The following KCNH1 variants were observed in gnomAD, a reference collection of about 807,000 sequenced individuals.
KCNH1 encodes the protein potassium voltage-gated channel subfamily H member 1.
In KCNH1, 27 loss-of-function variants were observed where a neutral mutation model predicts 69.2. The observed-to-expected ratio is 0.39, with a 90% confidence interval of 0.29 to 0.54. KCNH1 has a LOEUF of 0.54. Among genes scored for constraint, KCNH1 ranks in the 20% least tolerant of loss-of-function variants. The probability of loss-of-function intolerance (pLI) is 0.68; values close to 1 mark genes in which losing one functional copy is unlikely to be tolerated. For synonymous variants in KCNH1, 456 were observed against 487.7 expected, an observed-to-expected ratio of 0.93 and a Z score of 0.86; for missense variants, 798 against 1,261.6, an observed-to-expected ratio of 0.63 and a Z score of 5.57.
At chr1:210,853,423 C>CAG (rs1170718235) in intron 7 of KCNH1, among the ~76,000 whole-genome samples, 1 of 152,206 alleles carries the variant, frequency 6.6e-6, no homozygotes, top group Admixed American at 6.5e-5. Context: ...AGATGATAAA[C>CAG]AGAGAGAGCT....
chr1:210,952,059 C>T lies in KCNH1; in HGVS notation c.1033-31990G>A, dbSNP rs888469770. ...GCCCACATCTTCCTGTGTGACATTT[C>T]TTCAGTCACCCAGACAAGCTGCCTA... On this transcript the variant is annotated intron_variant, in intron 6 of 10. Coordinates refer to ENST00000271751, the MANE Select transcript of KCNH1 (RefSeq NM_172362.3). Among the ~76,000 whole-genome samples the T allele has an allele frequency of 5.3e-5, 8 of 152,172 alleles. No individual in the cohort carries two copies. The East Asian group carries it at 1.5e-3, about 29-fold the overall frequency.
chr1:210,946,576 A>G lies in KCNH1; in HGVS notation c.1033-26507T>C, dbSNP rs565464075. On this transcript the variant is annotated intron_variant, in intron 6 of 10. Transcript: ENST00000271751. ...AGGCATCAACAACAGCCCTAGAGAC[A>G]CATCTCACAATAAACAAGGGAAAAA... Among the ~76,000 whole-genome samples, 8 of 152,270 alleles carry G rather than the reference A, an allele frequency of 5.3e-5. No individual in the cohort carries two copies. In the East Asian group the frequency reaches 1.5e-3, roughly 29 times the overall value.
chr1:210,716,771 G>C lies in KCNH1; in HGVS notation c.2113-32633C>G, dbSNP rs73067463. On this transcript the variant is annotated intron_variant, in intron 10 of 10. Transcript: ENST00000271751. ...CTTCTCGAGGAGGCTTGCTCTCTCT[G>C]TTCCAACTATGCAGATCACTAGGGC... 8.1e-3 allele frequency among the ~76,000 whole-genome samples: 1,228 copies of C among 152,280 alleles called. 15 individuals carry two copies. The highest frequency in any genetic ancestry group is 0.028 in the African/African-American group (1,165 of 41,546).
chr1:210,889,003 G>C (rs1347763738), intron 7 of KCNH1, among the ~76,000 whole-genome samples: 1 of 152,138 alleles, frequency 6.6e-6, no homozygotes, highest in Non-Finnish European at 1.5e-5. Flanking sequence ...CATTCCTTCT[G>C]ATACTATTCC....
At chr1:210,950,885 C>T (rs539663791) in intron 6 of KCNH1, among the ~76,000 whole-genome samples, 1 of 152,260 alleles carries the variant, frequency 6.6e-6, no homozygotes, top group East Asian at 1.9e-4. Flanking sequence ...CAGGCCCAGC[C>T]CTGGAGATTC....
chr1:210,779,726 G>A (rs1683937600), intron 9 of KCNH1, among the ~76,000 whole-genome samples: 1 of 151,324 alleles, frequency 6.6e-6, no homozygotes, highest in Non-Finnish European at 1.5e-5. Flanking sequence ...ATTCTGAGCT[G>A]GGAAAAAAAA....
At chr1:211,025,939 T>C (rs1055772111) in intron 5 of KCNH1, among the ~76,000 whole-genome samples, 2 of 152,204 alleles carry the variant, frequency 1.3e-5, no homozygotes, top group African/African-American at 4.8e-5. Flanking sequence ...TATCTTTGTT[T>C]GATCACCAAT....
At chr1:211,109,976 A>C (rs777996665) in intron 1 of KCNH1, among the ~76,000 whole-genome samples, 2 of 151,984 alleles carry the variant, frequency 1.3e-5, no homozygotes, top group African/African-American at 4.8e-5. Context: ...TTTAGAAGAT[A>C]AAGTCTTACA....
chr1:210,805,551 T>C (rs1684533397), intron 7 of KCNH1, among the ~76,000 whole-genome samples: 1 of 152,172 alleles, frequency 6.6e-6, no homozygotes, highest in Non-Finnish European at 1.5e-5. Context: ...GAATTTTATA[T>C]ACATGGAATC....
At chr1:210,917,345 G>A (rs1009094206) in intron 7 of KCNH1, among the ~76,000 whole-genome samples, 1 of 152,092 alleles carries the variant, frequency 6.6e-6, no homozygotes, top group Non-Finnish European at 1.5e-5. Flanking sequence ...CACAGAGAGA[G>A]AGAAAGAGAG....
At chr1:210,695,017 A>G (rs1374494978) in intron 10 of KCNH1, among the ~76,000 whole-genome samples, 1 of 152,234 alleles carries the variant, frequency 6.6e-6, no homozygotes, top group Non-Finnish European at 1.5e-5. Flanking sequence ...GGCAGCGCCC[A>G]TATAGTGTTT....
chr1:210,939,236 TG>T (rs1687836363), intron 6 of KCNH1, among the ~76,000 whole-genome samples: 2 of 152,208 alleles, frequency 1.3e-5, no homozygotes, highest in Non-Finnish European at 2.9e-5. Context: ...AACTTTCATT[TG>T]ACTGCGGGGG....
chr1:210,888,832 AC>A (rs1192776778), intron 7 of KCNH1, among the ~76,000 whole-genome samples: 2 of 152,074 alleles, frequency 1.3e-5, no homozygotes, highest in African/African-American at 2.4e-5. Context: ...GGACACATAT[AC>A]CCCCCCAAGA....
At chr1:210,950,795 T>C (rs1357171534) in intron 6 of KCNH1, among the ~76,000 whole-genome samples, 1 of 152,200 alleles carries the variant, frequency 6.6e-6, no homozygotes, top group Non-Finnish European at 1.5e-5. Flanking sequence ...ATGAAGTATG[T>C]ACTTTAATCT....
chr1:210,683,745 T>G lies in KCNH1; in HGVS notation c.2506A>C (p.Ser836Arg). The change falls in exon 11 of 11, where the codon AGC becomes CGC. Residue 836 changes from serine (S) to arginine (R), a missense_variant. By Grantham distance (110) the Ser-to-Arg change is moderately radical (BLOSUM62 -1). Transcript: ENST00000271751. This position sits in a 1 kb window ranked among gnomAD's most constrained non-coding sequence, Gnocchi z 5.7. Reference sequence around the variant, plus strand: ...CAAGCATCTTTGAAGCGGGCCCAGCTTTTGCGCTTGGCACAATCGCCCCCG... The same window carrying G: ...CAAGCATCTTTGAAGCGGGCCCAGCGTTTGCGCTTGGCACAATCGCCCCCG... ...GGGGDCAKRK[S>R]WARFKDACGK... The G allele has an allele frequency of 6.2e-7, 1 of 1,614,132 alleles. No individual in the cohort carries two copies. The highest frequency in any genetic ancestry group is 8.5e-7 in the Non-Finnish European group (1 of 1,180,038).
chr1:211,062,561 C>T (rs1219896532), intron 5 of KCNH1, among the ~76,000 whole-genome samples: 1 of 152,136 alleles, frequency 6.6e-6, no homozygotes, highest in African/African-American at 2.4e-5. Flanking sequence ...AACTATCCCT[C>T]TGACAAGGGA....
intron 6 of KCNH1, among the ~76,000 whole-genome samples, chr1:210,983,187 T>C (rs1016844306): frequency 1.1e-4 from 17 of 152,296 alleles, no homozygotes; most frequent in African/African-American, 4.1e-4. Context: ...GTCAGATGAG[T>C]AGATTGCAGA....
At chr1:210,973,046 T>C (rs1007721828) in intron 6 of KCNH1, among the ~76,000 whole-genome samples, 1 of 151,974 alleles carries the variant, frequency 6.6e-6, no homozygotes, top group Non-Finnish European at 1.5e-5. Context: ...TGACTCCTAA[T>C]CATGAACTTC....
intron 6 of KCNH1, among the ~76,000 whole-genome samples, chr1:210,956,293 A>T (rs145640539): frequency 0.041 from 6,203 of 152,216 alleles, 189 homozygotes; most frequent in South Asian, 0.065. Context: ...GTGCTGTTGG[A>T]TTCGGTTTGC....
Sources: gnomAD v4.1 joint callset for allele counts (sites outside exome capture counted in the v4.1 genomes callset) on GRCh38, gnomAD v4.1.1 for gene constraint, Gnocchi (gnomAD v3.1) non-coding constraint, MANE v1.5 for transcripts, NCBI Gene and HGNC (gene_info 2026-07-23, HGNC 2026-07-21) for gene names.